SNRNP40: variants seen among roughly 807,000 people sequenced by gnomAD.
The protein encoded by SNRNP40 is small nuclear ribonucleoprotein U5 subunit 40, also known as U5 small nuclear ribonucleoprotein 40 kDa protein.
In SNRNP40, 21 loss-of-function variants were observed where a neutral mutation model predicts 45.8. That is an observed-to-expected ratio of 0.46 (90% CI 0.32 to 0.66). The LOEUF is 0.66. Ranked by LOEUF, SNRNP40 falls within the 30% of genes least tolerant of loss-of-function variation. The pLI, the probability that SNRNP40 is intolerant of heterozygous loss-of-function variation, is 0.03. For synonymous variants in SNRNP40, 142 were observed against 163.8 expected (o/e 0.87, Z 1.01); for missense variants, 344 against 439.1 (o/e 0.78, Z 1.94).
intron 3 of SNRNP40, among the ~76,000 whole-genome samples, chr1:31,290,113 C>T (rs915267258): frequency 4.6e-5 from 7 of 152,244 alleles, no homozygotes; most frequent in African/African-American, 1.4e-4. Flanking sequence ...CCTGCCTCAG[C>T]CTCCTACAGT....
chr1:31,277,451 T>C (rs1161570120), intron 5 of SNRNP40, among the ~76,000 whole-genome samples: 1 of 152,244 alleles, frequency 6.6e-6, no homozygotes, highest in African/African-American at 2.4e-5. Flanking sequence ...CCAATAAAGT[T>C]GATTTGTTAA....
chr1:31,279,084 GAA>G (rs1645997963), intron 5 of SNRNP40, among the ~76,000 whole-genome samples: 7 of 149,898 alleles, frequency 4.7e-5, no homozygotes, highest in African/African-American at 1.8e-4. Flanking sequence ...AATGAAGAAT[GAA>G]TGGTATGTGA....
chr1:31,267,258 A>G (rs1645903842), intron 8 of SNRNP40, among the ~76,000 whole-genome samples: 1 of 152,164 alleles, frequency 6.6e-6, no homozygotes, highest in Non-Finnish European at 1.5e-5. Context: ...GAAGCATGGA[A>G]TAAGAAATGT....
intron 4 of SNRNP40, among the ~76,000 whole-genome samples, chr1:31,288,442 A>G (rs1646077507): frequency 6.6e-6 from 1 of 152,192 alleles, no homozygotes; most frequent in Admixed American, 6.5e-5. Flanking sequence ...CCAGAATGTG[A>G]GACTGGCTAC....
At chr1:31,268,706 ATT>A (rs746108623) in intron 7 of SNRNP40, among the ~76,000 whole-genome samples, 2 of 152,142 alleles carry the variant, frequency 1.3e-5, no homozygotes, top group Non-Finnish European at 2.9e-5. Flanking sequence ...TTTGAAAAAA[ATT>A]TTCTCTCTCA....
At chr1:31,284,340 G>A (rs545179923) in intron 4 of SNRNP40, among the ~76,000 whole-genome samples, 2 of 152,326 alleles carry the variant, frequency 1.3e-5, no homozygotes, top group African/African-American at 4.8e-5. Context: ...GAAGAGACGG[G>A]GGTTTCACCA....
intron 1 of SNRNP40, 110 bp from the exon 2 acceptor site, chr1:31,293,458 T>C: frequency 9.0e-7 from 1 of 1,112,108 alleles, no homozygotes. Flanking sequence ...ATTAAGTGGG[T>C]TTCATCTGAC....
chr1:31,293,396 G>T (rs1217580169), intron 1 of SNRNP40, 48 bp from the exon 2 acceptor site: 2 of 1,536,188 alleles, frequency 1.3e-6, no homozygotes, highest in South Asian at 2.5e-5. Flanking sequence ...AGACAAAGGA[G>T]GCTACAAAAT....
intron 4 of SNRNP40, among the ~76,000 whole-genome samples, chr1:31,284,117 G>T (rs1646038812): frequency 6.6e-6 from 1 of 152,114 alleles, no homozygotes; most frequent in African/African-American, 2.4e-5. Context: ...CAGCTACTTG[G>T]GAGGCTGAGA....
At chr1:31,295,422 G>T (rs932751497) in intron 1 of SNRNP40, among the ~76,000 whole-genome samples, 2 of 152,200 alleles carry the variant, frequency 1.3e-5, no homozygotes, top group Non-Finnish European at 2.9e-5. Flanking sequence ...AGGGTGGTCA[G>T]GAAAATCCTC....
intron 1 of SNRNP40, among the ~76,000 whole-genome samples, chr1:31,296,402 A>G (rs1229195592): frequency 2.6e-5 from 4 of 152,346 alleles, no homozygotes; most frequent in Middle Eastern, 3.4e-3. Context: ...AGGGCAGTCG[A>G]GAGGCTGAAA....
chr1:31,291,009 C>A (rs1011658593), intron 3 of SNRNP40, among the ~76,000 whole-genome samples: 5 of 152,126 alleles, frequency 3.3e-5, no homozygotes, highest in Non-Finnish European at 7.4e-5. Flanking sequence ...CAGTGATTGG[C>A]CAGGCACGGT....
Position 31,260,076 on chromosome 1 carries a change from T to G in SNRNP40, c.1070A>C (p.Gln357Pro). 6.2e-7 allele frequency: 1 copy of G among 1,610,186 alleles called. No individual in the cohort carries two copies. The highest frequency in any genetic ancestry group is 2.2e-5 in the East Asian group (1 of 44,854). The change falls in exon 10 of 10, where the codon CAG becomes CCG. Residue 357 changes from glutamine (Q) to proline (P), a missense_variant. This residue lies in a region of SNRNP40 where 254 missense variants were observed against 380.2 expected (regional missense o/e 0.67). Coordinates refer to ENST00000263694, the MANE Select transcript of SNRNP40 (RefSeq NM_004814.3). ...SDKRLYMGEI[Q>P] Reference sequence around the variant, plus strand: ...GGAGTCTTCCAGTCCATATCTTCACTGAATCTCTCCCATATACAGTCTCTT... The same window carrying G: ...GGAGTCTTCCAGTCCATATCTTCACGGAATCTCTCCCATATACAGTCTCTT...
intron 4 of SNRNP40, among the ~76,000 whole-genome samples, chr1:31,287,182 A>C (rs1180641361): frequency 6.6e-6 from 1 of 152,222 alleles, no homozygotes; most frequent in African/African-American, 2.4e-5. Context: ...CAAAAATACA[A>C]GAACACAAAG....
At chr1:31,293,197 A>C in intron 2 of SNRNP40, 22 bp downstream of exon 2, 1 of 1,612,466 alleles carries the variant, frequency 6.2e-7, no homozygotes. Flanking sequence ...AAATTATTCC[A>C]GATTCAAAAA....
chr1:31,261,158 C>T lies in SNRNP40; in HGVS notation c.1024+371G>A, dbSNP rs572492069. The T allele has an allele frequency of 1.3e-3, 528 of 392,104 alleles. 5 individuals carry two copies. The highest frequency in any genetic ancestry group is 5.4e-3 in the Middle Eastern group (6 of 1,120). 24.3% of individuals were successfully genotyped at this position (392,104 alleles called of 1,614,324 possible). On this transcript the variant is annotated intron_variant, in intron 9 of 9. Transcript: ENST00000263694. ...GAGTTCGTGACCACCCTGACCAATG[C>T]GGTGAAACCCCGTCTCTACTAAAAA... is the stretch of plus-strand genomic sequence containing the variant.
At chr1:31,294,870 T>G (rs1569681106) in intron 1 of SNRNP40, among the ~76,000 whole-genome samples, 4 of 143,338 alleles carry the variant, frequency 2.8e-5, no homozygotes. Context: ...TGAACCCGGG[T>G]GGCGGAGGTT....
chr1:31,287,747 C>G (rs1646069819), intron 4 of SNRNP40, among the ~76,000 whole-genome samples: 2 of 152,218 alleles, frequency 1.3e-5, no homozygotes, highest in South Asian at 4.1e-4. Flanking sequence ...CGCCTGTAAT[C>G]CCAGCACTTT....
At chr1:31,279,031 A>G (rs999218000) in intron 5 of SNRNP40, among the ~76,000 whole-genome samples, 4 of 132,838 alleles carry the variant, frequency 3.0e-5, no homozygotes, top group Non-Finnish European at 5.0e-5. Flanking sequence ...GTTAAAAAAC[A>G]AAAACACATA....
Sources: gnomAD v4.1 joint callset for allele counts (sites outside exome capture counted in the v4.1 genomes callset) on GRCh38, gnomAD v4.1.1 for gene constraint, gnomAD v4.1.1 regional missense constraint, MANE v1.5 for transcripts, NCBI Gene and HGNC (gene_info 2026-07-23, HGNC 2026-07-21) for gene names.